LRRC4C: variants seen among roughly 807,000 people sequenced by gnomAD.
LRRC4C encodes leucine-rich repeat-containing protein 4C.
In LRRC4C, 5 loss-of-function variants were observed where a neutral mutation model predicts 33.6. The ratio of observed to expected loss-of-function variants is 0.15; its 90% CI spans 0.08 to 0.31. The LOEUF is 0.31. LRRC4C is among the 10% of genes least tolerant of loss of function. LRRC4C has a pLI of 1.00. For missense variants in LRRC4C, 560 were observed against 796.7 expected, an observed-to-expected ratio of 0.70 and a Z score of 3.58; for synonymous variants, 329 against 302.0, an observed-to-expected ratio of 1.09 and a Z score of -0.93.
intron 1 of LRRC4C, among the ~76,000 whole-genome samples, chr11:41,344,914 C>T (rs910201783): frequency 6.6e-6 from 1 of 152,174 alleles, no homozygotes; most frequent in Non-Finnish European, 1.5e-5. Flanking sequence ...TTAACTGCTG[C>T]CTCTGATAGT....
chr11:40,973,714 G>C (rs1039801105), intron 1 of LRRC4C, among the ~76,000 whole-genome samples: 13 of 152,192 alleles, frequency 8.5e-5, no homozygotes, highest in Admixed American at 7.9e-4. Context: ...ATGTTAGAGA[G>C]TTAATCAGCT....
chr11:41,086,966 G>T (rs1174782191), intron 1 of LRRC4C, among the ~76,000 whole-genome samples: 1 of 151,576 alleles, frequency 6.6e-6, no homozygotes, highest in East Asian at 1.9e-4. Context: ...TTTAAGTCAG[G>T]AATATTGGTG....
At chr11:40,968,966 C>T (rs1011598603) in intron 1 of LRRC4C, among the ~76,000 whole-genome samples, 3 of 152,078 alleles carry the variant, frequency 2.0e-5, no homozygotes, top group African/African-American at 7.2e-5. Context: ...ATATAGCTGC[C>T]ACAGGTAGTG....
At chr11:40,661,627 A>T (rs1219334477) in intron 2 of LRRC4C, among the ~76,000 whole-genome samples, 1 of 152,204 alleles carries the variant, frequency 6.6e-6, no homozygotes, top group Non-Finnish European at 1.5e-5. Context: ...TATTTAACTA[A>T]AAGTGTTTCA....
At chr11:41,397,813 A>G (rs1953877218) in intron 1 of LRRC4C, among the ~76,000 whole-genome samples, 1 of 151,894 alleles carries the variant, frequency 6.6e-6, no homozygotes, top group Non-Finnish European at 1.5e-5. Flanking sequence ...CTAGAGAGGT[A>G]GTGATATGTT....
intron 1 of LRRC4C, among the ~76,000 whole-genome samples, chr11:41,116,261 T>C (rs1463804084): frequency 6.6e-6 from 1 of 152,130 alleles, no homozygotes; most frequent in South Asian, 2.1e-4. Context: ...GGATAAGCTA[T>C]GAAGCCTCAG....
chr11:40,134,619 T>C (rs1856850506), intron 6 of LRRC4C, among the ~76,000 whole-genome samples: 1 of 152,210 alleles, frequency 6.6e-6, no homozygotes, highest in Admixed American at 6.5e-5. Context: ...ATTATTTCAA[T>C]AATCAAGCTA....
At chr11:40,122,122 C>CTG (rs1472514774) in intron 6 of LRRC4C, among the ~76,000 whole-genome samples, 3 of 152,138 alleles carry the variant, frequency 2.0e-5, no homozygotes, top group African/African-American at 7.2e-5. Context: ...CTCAGATTTA[C>CTG]TGACTCTTTT....
chr11:41,128,000 C>T (rs1378465440), intron 1 of LRRC4C, among the ~76,000 whole-genome samples: 1 of 152,060 alleles, frequency 6.6e-6, no homozygotes, highest in Non-Finnish European at 1.5e-5. Context: ...AATCTCTTAC[C>T]CTTCCTCTTT....
intron 3 of LRRC4C, among the ~76,000 whole-genome samples, chr11:40,460,667 G>A (rs978330933): frequency 6.6e-6 from 1 of 152,146 alleles, no homozygotes; most frequent in African/African-American, 2.4e-5. Flanking sequence ...AATTTTTGAA[G>A]GATGTGATAA....
intron 1 of LRRC4C, among the ~76,000 whole-genome samples, chr11:41,257,353 C>T (rs1426134675): frequency 6.6e-6 from 1 of 151,822 alleles, no homozygotes; most frequent in African/African-American, 2.4e-5. Flanking sequence ...AAAATGCAGC[C>T]CCACCATCAG....
intron 1 of LRRC4C, among the ~76,000 whole-genome samples, chr11:41,290,674 T>C (rs1205835939): frequency 6.6e-6 from 1 of 152,170 alleles, no homozygotes; most frequent in African/African-American, 2.4e-5. Flanking sequence ...AGTATATGTT[T>C]AATGAGACTT....
At position 41,255,677 on chromosome 11, in the gene LRRC4C, T is replaced by C. The variant is rs561566796; in HGVS notation, c.-496+203754A>G. On this transcript the variant is annotated intron_variant, in intron 1 of 6. Transcript: ENST00000528697. ...ATTCCCCCCTCTGACATCCTCCTGA[T>C]ACCCTGGAAAAATTGAGAATAAGGG... Among the ~76,000 whole-genome samples the C allele has an allele frequency of 3.3e-5, 5 of 152,064 alleles. No homozygotes were observed. In the South Asian group the frequency reaches 1.0e-3, roughly 32 times the overall value.
intron 2 of LRRC4C, among the ~76,000 whole-genome samples, chr11:40,787,948 T>C (rs1247080479): frequency 1.3e-5 from 2 of 152,342 alleles, no homozygotes; most frequent in Non-Finnish European, 2.9e-5. Context: ...ATTCTTATTG[T>C]TGTTCTTGTT....
chr11:40,711,656 G>A (rs1946470749), intron 2 of LRRC4C, among the ~76,000 whole-genome samples: 1 of 150,016 alleles, frequency 6.7e-6, no homozygotes, highest in Admixed American at 6.7e-5. Flanking sequence ...AGATAGACAT[G>A]ACCTGAATAA....
intron 4 of LRRC4C, among the ~76,000 whole-genome samples, chr11:40,262,296 CCA>C (rs1187913655): frequency 7.2e-5 from 11 of 152,148 alleles, no homozygotes; most frequent in Non-Finnish European, 1.3e-4. Flanking sequence ...CCACCTCACA[CCA>C]GTCAGAATGG....
chr11:40,945,223 G>GGTTTCACTGT (rs11281880), intron 1 of LRRC4C, among the ~76,000 whole-genome samples: 42 of 150,672 alleles, frequency 2.8e-4, no homozygotes, highest in African/African-American at 9.3e-4. Context: ...GTAGAGACGG[G>GGTTTCACTGT]GTTAACCTGG....
chr11:40,739,014 T>C (rs1190084215), intron 2 of LRRC4C, among the ~76,000 whole-genome samples: 1 of 116,702 alleles, frequency 8.6e-6, no homozygotes, highest in African/African-American at 3.4e-5. Context: ...CTATTGTGTG[T>C]GTGTGTGTGT....
chr11:40,868,262 G>A (rs1954468392), intron 2 of LRRC4C, among the ~76,000 whole-genome samples: 1 of 152,100 alleles, frequency 6.6e-6, no homozygotes, highest in African/African-American at 2.4e-5. Context: ...TGTGGAAAAG[G>A]AACAGGGAAT....
Sources: allele counts gnomAD v4.1 joint callset (sites outside exome capture counted in the v4.1 genomes callset), GRCh38; gene constraint gnomAD v4.1.1; transcripts MANE v1.5; gene names NCBI Gene and HGNC (gene_info 2026-07-23, HGNC 2026-07-21).